The following ZMYM3 variants were observed in gnomAD, a reference collection of about 807,000 sequenced individuals.
ZMYM3 encodes the protein zinc finger MYM-type containing 3, also known as zinc finger MYM-type protein 3.
In ZMYM3, 6 loss-of-function variants were observed where a neutral mutation model predicts 94.2. The observed-to-expected ratio is 0.06, with a 90% CI of 0.03 to 0.13. The LOEUF is 0.13. ZMYM3 is among the 10% of genes least tolerant of loss of function. ZMYM3 has a pLI of 1.00. For synonymous variants in ZMYM3, 420 were observed against 426.5 expected, an observed-to-expected ratio of 0.98 and a Z score of 0.19; for missense variants, 664 against 1,132.6, an observed-to-expected ratio of 0.59 and a Z score of 5.94.
In ZMYM3 at chrX:71,250,082, G is replaced by C; in HGVS notation, c.1195C>G (p.Gln399Glu). 8.3e-7 allele frequency: 1 copy of C among 1,204,833 alleles called. No homozygotes were observed. Among genetic ancestry groups the C allele is most frequent in the Non-Finnish European group, 1.1e-6 (1 of 892,496 alleles). ...YEAQQQRPIP[Q>E]SGDPADATRC... ...GTAGCGTCGGCGGGATCCCCAGACT[G>C]GGGGATCGGGCGCTGCTGCTGGGCC... Residue 399 changes from glutamine to glutamate, a missense_variant, in exon 6 of 25, where the codon CAG becomes GAG. Transcript: ENST00000314425.
chrX:71,250,314 C>T, intron 5 of ZMYM3, 111 bp from the exon 6 acceptor site: 1 of 1,086,848 alleles, frequency 9.2e-7, no homozygotes. Flanking sequence ...CTGACTCTCT[C>T]CCTACATCAC....
At chrX:71,254,944 G>T (rs1403732697), upstream of ZMYM3, 1 of 110,442 alleles carries the variant, frequency 9.1e-6, no homozygotes, top group African/African-American at 3.3e-5. Context: ...GTTACTGCTT[G>T]ATGACCCCCA....
Position 71,252,605 on chromosome X carries a change from T to C in ZMYM3, c.651A>G (p.Ala217=). ...QTKPGGSSPP[A]HPSLPGDGLT... is the part of the protein sequence containing the mutation. ...GCAACCTACCTGGCAAGGAAGGATG[T>C]GCAGGGGGGCTAGAGCCCCCAGGTT... is the stretch of plus-strand genomic sequence containing the variant. The change falls in exon 2 of 25, where the codon GCA becomes GCG. Residue 217 remains alanine (A), a synonymous_variant. Transcript: ENST00000314425. The C allele has an allele frequency of 8.8e-7, 1 of 1,139,751 alleles. No individual in the cohort carries two copies. Among genetic ancestry groups the C allele is most frequent in the Non-Finnish European group, 1.2e-6 (1 of 861,914 alleles). The allele number at this position is 1,139,751 out of a possible 1,213,427, so 93.9% of individuals were successfully genotyped here. A position where few individuals can be genotyped will look rare whatever the true frequency, so the allele number is the denominator to read the frequency against.
At chrX:71,248,039 G>A in intron 11 of ZMYM3, 123 bp downstream of exon 11, 2 of 1,096,678 alleles carry the variant, frequency 1.8e-6, no homozygotes, top group Non-Finnish European at 2.4e-6. Flanking sequence ...TAGGGGAGAT[G>A]GGGGTAGAAC....
At chrX:71,253,904 T>A (rs1470498647) in intron 1 of ZMYM3, 125 bp downstream of exon 1, 2 of 84,704 alleles carry the variant, frequency 2.4e-5, no homozygotes, top group African/African-American at 9.1e-5. Flanking sequence ...ACCCCCAACC[T>A]CAGGCATTTA....
intron 6 of ZMYM3, 131 bp downstream of exon 6, chrX:71,249,895 G>A (rs2030371340): frequency 2.9e-6 from 3 of 1,027,205 alleles, no homozygotes; most frequent in East Asian, 3.3e-5. Flanking sequence ...CCTTGAATAC[G>A]CTCCCTCATG....
At position 71,244,299 on chromosome X, in the gene ZMYM3, T is replaced by C. The variant is rs1355474913; in HGVS notation, c.3280+3A>G. The C allele has an allele frequency of 8.3e-7, 1 of 1,205,363 alleles. No homozygotes were observed. Among genetic ancestry groups the C allele is most frequent in the Admixed American group, 2.2e-5 (1 of 45,274 alleles). ...CCCACACCCCCCATCCCCAAGTACT[T>C]ACGGCCAAAGCGCAGCTCATCACCC... On this transcript the variant is annotated splice_donor_region_variant and intron_variant, in intron 20 of 24. Transcript: ENST00000314425.
At chrX:71,243,188 C>T (rs950524219) in intron 21 of ZMYM3, 104 bp from the exon 22 acceptor site, 9 of 663,832 alleles carry the variant, frequency 1.4e-5, no homozygotes, top group East Asian at 6.9e-5. Context: ...CATTAGGAGA[C>T]GATGGGAAAC....
intron 12 of ZMYM3, 52 bp from the exon 13 acceptor site, chrX:71,247,562 CCTTT>C (rs2030237132): frequency 1.7e-6 from 2 of 1,173,735 alleles, no homozygotes; most frequent in Non-Finnish European, 2.3e-6. Context: ...TGCGTTGGGC[CCTTT>C]CTTTCCCCCG....
intron 2 of ZMYM3, among the ~76,000 whole-genome samples, chrX:71,252,388 C>A (rs1423628463): frequency 9.6e-6 from 1 of 104,642 alleles, no homozygotes; most frequent in Non-Finnish European, 2.0e-5. Context: ...CCCCCACAGC[C>A]TGTGCCCACC....
At chrX:71,253,972 G>A (rs1374772715) in intron 1 of ZMYM3, 57 bp downstream of exon 1, 1 of 106,885 alleles carries the variant, frequency 9.4e-6, no homozygotes, top group Non-Finnish European at 1.9e-5. Flanking sequence ...CCGCCTCCCG[G>A]CTACTGCAAG....
intron 18 of ZMYM3, among the ~76,000 whole-genome samples, 158 bp downstream of exon 18, chrX:71,245,181 C>T (rs920042296): frequency 6.7e-5 from 7 of 104,185 alleles, no homozygotes; most frequent in Non-Finnish European, 1.4e-4. Context: ...AAGAGTGCAC[C>T]TGTCCTGGTG....
chrX:71,253,211 C>G lies in ZMYM3; in HGVS notation c.45G>C (p.Leu15=). Residue 15 remains leucine, a synonymous_variant, in exon 2 of 25, where the codon CTG becomes CTC. Coordinates refer to ENST00000314425, the MANE Select transcript of ZMYM3 (RefSeq NM_201599.3). ...DFPSPFDPLT[L]PEKPLAGDLP... is the part of the protein sequence containing the mutation. ...GGTCTCCAGCCAGGGGCTTCTCTGG[C>G]AGGGTCAATGGGTCAAATGGACTGG... The G allele has an allele frequency of 2.5e-6, 3 of 1,187,692 alleles. No individual in the cohort carries two copies. Among genetic ancestry groups the G allele is most frequent in the Non-Finnish European group, 2.3e-6 (2 of 883,428 alleles).
At chrX:71,252,025 G>C in intron 2 of ZMYM3, 1 of 204,662 alleles carries the variant, frequency 4.9e-6, no homozygotes, top group Non-Finnish European at 7.3e-6. Context: ...GTCACAGCCT[G>C]ATAGAGGCAC....
intron 2 of ZMYM3, 165 bp from the exon 3 acceptor site, chrX:71,251,766 CTG>C: frequency 6.6e-6 from 5 of 752,337 alleles, no homozygotes; most frequent in Non-Finnish European, 7.8e-6. Flanking sequence ...ACCTCAGGCT[CTG>C]TACTAAGGGT....
At chrX:71,251,635 A>G in intron 2 of ZMYM3, 34 bp from the exon 3 acceptor site, 5 of 1,156,385 alleles carry the variant, frequency 4.3e-6, no homozygotes, top group Non-Finnish European at 5.8e-6. Context: ...CTAAATGTTG[A>G]GCCTGCCCTC....
Position 71,253,003 on chromosome X carries a change from GC to G in ZMYM3, c.252del (p.Leu85CysfsTer28). On this transcript the variant is annotated frameshift_variant, in exon 2 of 25. Coordinates refer to ENST00000314425, the MANE Select transcript of ZMYM3 (RefSeq NM_201599.3). LOFTEE classifies it high-confidence loss of function. The stretch of plus-strand genomic sequence containing the variant: ...GGGGGAGAGGGGGCTTTATAGAGCA[GC>G]CCCCCCAGCCCCAGCAACTCAGTGG... ...DGATELLGLGGLLYKAPSPPE... is the reference protein window; with the variant it reads ...DGATELLGLGXLLYKAPSPPE... The G allele has an allele frequency of 8.4e-7, 1 of 1,196,182 alleles. No homozygotes were observed.
intron 23 of ZMYM3, among the ~76,000 whole-genome samples, chrX:71,241,727 T>C (rs780725758): frequency 2.0e-4 from 22 of 111,496 alleles, no homozygotes; most frequent in Middle Eastern, 9.2e-3. Flanking sequence ...GGTAGAAGCA[T>C]GGGTCCAGAG....
At chrX:71,246,260 CCT>C in intron 15 of ZMYM3, 91 bp downstream of exon 15, 2 of 1,136,216 alleles carry the variant, frequency 1.8e-6, no homozygotes, top group Non-Finnish European at 2.4e-6. Context: ...GCTTCAGCTA[CCT>C]AAGAAATCCC....
Sources: gnomAD v4.1 joint callset for allele counts (sites outside exome capture counted in the v4.1 genomes callset) on GRCh38, gnomAD v4.1.1 for gene constraint, MANE v1.5 for transcripts, NCBI Gene and HGNC (gene_info 2026-07-23, HGNC 2026-07-21) for gene names.